ASPHD2: variants seen among roughly 807,000 people sequenced by gnomAD.
ASPHD2 encodes the protein aspartate beta-hydroxylase domain containing 2, also known as aspartate beta-hydroxylase domain-containing protein 2.
A neutral mutation model predicts 34.6 loss-of-function variants in ASPHD2; 12 were observed. The ratio of observed to expected loss-of-function variants is 0.35; its 90% CI spans 0.22 to 0.56. ASPHD2 has a LOEUF of 0.56. Ranked by LOEUF, ASPHD2 falls within the 20% of genes least tolerant of loss-of-function variation. The pLI is 0.87. For missense variants in ASPHD2, 375 were observed against 505.0 expected (o/e 0.74, Z 2.47); for synonymous variants, 224 against 212.2 (o/e 1.06, Z -0.48).
intron 2 of ASPHD2, among the ~76,000 whole-genome samples, chr22:26,438,558 C>T (rs889405119): frequency 2.4e-4 from 33 of 136,696 alleles, no homozygotes; most frequent in South Asian, 4.7e-4. Context: ...TATACACATA[C>T]ATATATACAC....
In ASPHD2 at chr22:26,433,396, G is replaced by T. The variant is rs1406591588; in HGVS notation, c.-220G>T. 1.5e-5 allele frequency: 8 copies of T among 543,758 alleles called. No individual in the cohort carries two copies. The highest frequency in any genetic ancestry group is 2.3e-5 in the Non-Finnish European group (7 of 310,248). 33.7% of individuals were successfully genotyped at this position (543,758 alleles called of 1,614,324 possible). On this transcript the variant is annotated 5_prime_UTR_variant, in exon 2 of 4. Transcript: ENST00000215906. This position sits in a 1 kb window ranked among gnomAD's most constrained non-coding sequence, Gnocchi z 5.1. ...GATTTTTTTTTTCCATCCCAGGTTT[G>T]GTTTTCCTAAACAAATCCTTTCACA...
chr22:26,434,212 G>T lies in ASPHD2; in HGVS notation c.597G>T (p.Leu199=), dbSNP rs531217234. 4 of 1,614,040 alleles carry T rather than the reference G, an allele frequency of 2.5e-6. No individual in the cohort carries two copies. Among genetic ancestry groups the T allele is most frequent in the Middle Eastern group, 1.7e-4 (1 of 6,060 alleles). Residue 199 remains leucine, a synonymous_variant, in exon 2 of 4, where the codon CTG becomes CTT. Transcript: ENST00000215906. The part of the protein sequence containing the change: ...EVLERNFQTI[L]CEFETLYKAF... ...TGGAACGGAACTTCCAGACCATCCT[G>T]TGTGAGTTTGAGACCCTCTACAAAG...
intron 2 of ASPHD2, among the ~76,000 whole-genome samples, chr22:26,435,457 G>A (rs866815173): frequency 5.9e-5 from 9 of 152,162 alleles, no homozygotes; most frequent in Non-Finnish European, 8.8e-5. Context: ...CCTTGGCAGC[G>A]TCCAGCTTTA....
chr22:26,430,189 C>T (rs1334167761), intron 1 of ASPHD2, among the ~76,000 whole-genome samples: 1 of 152,248 alleles, frequency 6.6e-6, no homozygotes, highest in Non-Finnish European at 1.5e-5. Context: ...CCCAGTGCTG[C>T]TCACTGGGGG....
intron 1 of ASPHD2, among the ~76,000 whole-genome samples, chr22:26,432,421 T>C (rs1453171032): frequency 1.3e-5 from 2 of 152,232 alleles, no homozygotes; most frequent in African/African-American, 4.8e-5. Flanking sequence ...AGTATCAGAC[T>C]TGTAGAAGCA....
Position 26,443,430 on chromosome 22 carries a change from A to C in ASPHD2, c.*224A>C. ...CTTAGATTTTTTTTTTTTCCTTCCAATCATTTGCTTCAGAGACTCCTTTCT... is the reference window on the plus strand; with the variant it reads ...CTTAGATTTTTTTTTTTTCCTTCCACTCATTTGCTTCAGAGACTCCTTTCT... On this transcript the variant is annotated 3_prime_UTR_variant, in exon 4 of 4. Coordinates refer to ENST00000215906, the MANE Select transcript of ASPHD2 (RefSeq NM_020437.5). The C allele has an allele frequency of 2.1e-6, 1 of 486,572 alleles. No individual in the cohort carries two copies. The highest frequency in any genetic ancestry group is 3.8e-5 in the East Asian group (1 of 26,496). The allele number at this position is 486,572 out of a possible 1,614,324, so 30.1% of individuals were successfully genotyped here. A position where few individuals can be genotyped will look rare whatever the true frequency, so the allele number is the denominator to read the frequency against.
rs759315898 is a variant in ASPHD2, at chr22:26,434,193, G to A, written c.578G>A (p.Arg193Gln). ...AQKHDVEVLE[R>Q]NFQTILCEFE... ...AAACATGATGTGGAAGTGCTGGAACGGAACTTCCAGACCATCCTGTGTGAG... is the reference window on the plus strand; with the variant it reads ...AAACATGATGTGGAAGTGCTGGAACAGAACTTCCAGACCATCCTGTGTGAG... Residue 193 changes from arginine (R) to glutamine (Q), a missense_variant, in exon 2 of 4, where the codon CGG becomes CAG. This residue lies in a region of ASPHD2 where 10 missense variants were observed against 29.3 expected (regional missense o/e 0.34). Coordinates refer to ENST00000215906, the MANE Select transcript of ASPHD2 (RefSeq NM_020437.5). 6.2e-6 allele frequency: 10 copies of A among 1,613,646 alleles called. No individual in the cohort carries two copies. Among genetic ancestry groups the A allele is most frequent in the East Asian group, 2.2e-5 (1 of 44,874 alleles).
Position 26,433,091 on chromosome 22 carries a change from C to A in ASPHD2, c.-224-301C>A, listed in dbSNP as rs1297340421. 6.6e-6 allele frequency among the ~76,000 whole-genome samples: 1 copy of A among 152,152 alleles called. No individual in the cohort carries two copies. Among genetic ancestry groups the A allele is most frequent in the Non-Finnish European group, 1.5e-5 (1 of 68,028 alleles). On this transcript the variant is annotated intron_variant, in intron 1 of 3. Coordinates refer to ENST00000215906, the MANE Select transcript of ASPHD2 (RefSeq NM_020437.5). This position sits in a 1 kb window ranked among gnomAD's most constrained non-coding sequence, Gnocchi z 5.1. ...GTCTCTGCCCTGGCTGTATAACTCT[C>A]GTGAGTTATGTAACTTCTCTGAGCC...
intron 1 of ASPHD2, among the ~76,000 whole-genome samples, chr22:26,432,339 G>C (rs1274178328): frequency 6.6e-6 from 1 of 152,152 alleles, no homozygotes; most frequent in East Asian, 1.9e-4. Context: ...GTAAAGGGAG[G>C]GTACAACTTT....
At chr22:26,441,478 TAAAAAAA>T (rs34554219) in intron 2 of ASPHD2, among the ~76,000 whole-genome samples, 5 of 95,622 alleles carry the variant, frequency 5.2e-5, no homozygotes, top group Admixed American at 1.1e-4. Context: ...ACCTTGTATC[TAAAAAAA>T]AAAAAAAAAA....
intron 2 of ASPHD2, among the ~76,000 whole-genome samples, chr22:26,435,380 T>TA (rs916929192): frequency 6.7e-6 from 1 of 148,452 alleles, no homozygotes; most frequent in Non-Finnish European, 1.5e-5. Context: ...TGAGTGGCGA[T>TA]AAAAAGCTCG....
rs190193619 is a variant in ASPHD2, at chr22:26,437,763, G to A, written c.886+3262G>A. 3.9e-5 allele frequency among the ~76,000 whole-genome samples: 6 copies of A among 152,218 alleles called. No homozygotes were observed. The East Asian group carries it at 9.7e-4, about 25-fold the overall frequency. On this transcript the variant is annotated intron_variant, in intron 2 of 3. Coordinates refer to ENST00000215906, the MANE Select transcript of ASPHD2 (RefSeq NM_020437.5). The stretch of plus-strand genomic sequence containing the variant: ...CACCCTGAGTGCCCGGTTGCCAGCC[G>A]CCTGAAGTGGGGGCCACTGGTGGAC...
intron 3 of ASPHD2, 99 bp from the exon 4 acceptor site, chr22:26,442,998 G>A: frequency 1.2e-6 from 1 of 841,448 alleles, no homozygotes; most frequent in Non-Finnish European, 2.0e-6. Flanking sequence ...TGGGGTCCCT[G>A]CCCCGAAGCT....
At position 26,433,952 on chromosome 22, in the gene ASPHD2, T is replaced by C. The variant is rs755910758; in HGVS notation, c.337T>C (p.Cys113Arg). Residue 113 changes from cysteine to arginine, a missense_variant, in exon 2 of 4, where the codon TGC becomes CGC. Coordinates refer to ENST00000215906, the MANE Select transcript of ASPHD2 (RefSeq NM_020437.5). The surrounding 1 kb of genome is among the most constrained non-coding windows in gnomAD (Gnocchi z 5.1). ...CTACGTGTACTGCCAGTCCCCTGAG[T>C]GCGTGCGCTGCACCCACAACGAGGG... ...NGYVYCQSPECVRCTHNEGLN... is the reference protein window; with the variant it reads ...NGYVYCQSPERVRCTHNEGLN... 1 of 1,613,452 alleles carries C rather than the reference T, an allele frequency of 6.2e-7. No homozygotes were observed. The highest frequency in any genetic ancestry group is 1.1e-5 in the South Asian group (1 of 91,078).
At position 26,442,614 on chromosome 22, in the gene ASPHD2, G is replaced by A. The variant is rs374857514; in HGVS notation, c.1000+42G>A. ...CCCACTTCCTTTTTTTCAATGAATA[G>A]ACTTTTATTTTTTTAGAGAAGTTTT... is the stretch of plus-strand genomic sequence containing the variant. On this transcript the variant is annotated intron_variant, in intron 3 of 3. Coordinates refer to ENST00000215906, the MANE Select transcript of ASPHD2 (RefSeq NM_020437.5). The A allele has an allele frequency of 5.3e-5, 77 of 1,461,366 alleles. 1 individual carries two copies. The highest frequency in any genetic ancestry group is 2.4e-4 in the South Asian group (19 of 80,750). 90.5% of individuals were successfully genotyped at this position (1,461,366 alleles called of 1,614,324 possible). A position where few individuals can be genotyped will look rare whatever the true frequency, so the allele number is the denominator to read the frequency against.
At chr22:26,438,524 T>C (rs2097556) in intron 2 of ASPHD2, among the ~76,000 whole-genome samples, 27,624 of 59,832 alleles carry the variant, frequency 0.46, 5,672 homozygotes, top group South Asian at 0.51. Context: ...TACATATATA[T>C]ACATACATAT....
Position 26,433,049 on chromosome 22 carries a change from A to C in ASPHD2, c.-224-343A>C, listed in dbSNP as rs2084767004. On this transcript the variant is annotated intron_variant, in intron 1 of 3. Coordinates refer to ENST00000215906, the MANE Select transcript of ASPHD2 (RefSeq NM_020437.5). This position sits in a 1 kb window ranked among gnomAD's most constrained non-coding sequence, Gnocchi z 5.1. ...CAAAATGGGTAGACATGGGCCTTGA[A>C]GTCAGATGGGGTTTGAGTCTCTGCC... Among the ~76,000 whole-genome samples, 1 of 152,214 alleles carries C rather than the reference A, an allele frequency of 6.6e-6. No homozygotes were observed. The highest frequency in any genetic ancestry group is 6.5e-5 in the Admixed American group (1 of 15,286).
At chr22:26,431,208 A>C (rs2146125781) in intron 1 of ASPHD2, among the ~76,000 whole-genome samples, 1 of 152,348 alleles carries the variant, frequency 6.6e-6, no homozygotes, top group Admixed American at 6.5e-5. Flanking sequence ...ACTGAATTTC[A>C]GGAACTCTGA....
At chr22:26,440,673 C>A (rs2084830450) in intron 2 of ASPHD2, among the ~76,000 whole-genome samples, 2 of 152,166 alleles carry the variant, frequency 1.3e-5, no homozygotes, top group African/African-American at 4.8e-5. Flanking sequence ...AGTCTATTTC[C>A]TCTTGAACCT....
Sources: allele counts gnomAD v4.1 joint callset (sites outside exome capture counted in the v4.1 genomes callset), GRCh38; gene constraint gnomAD v4.1.1; regional missense constraint gnomAD v4.1.1; non-coding constraint Gnocchi (gnomAD v3.1); transcripts MANE v1.5; gene names NCBI Gene and HGNC (gene_info 2026-07-23, HGNC 2026-07-21).